The following MTMR7 variants were observed in gnomAD, a reference collection of about 807,000 sequenced individuals.
The protein encoded by MTMR7 is myotubularin related protein 7.
Under a neutral mutation model 81.2 loss-of-function variants are expected in MTMR7, and 76 were observed. That is an observed-to-expected ratio of 0.94 (90% CI 0.78 to 1.13). The LOEUF (loss-of-function observed/expected upper bound fraction) is 1.13, where lower values mean the gene tolerates loss of function less well. Among genes scored for constraint, MTMR7 ranks in the 50% most tolerant of loss-of-function variants. MTMR7 has a pLI of 0.00. For synonymous variants in MTMR7, 372 were observed against 289.8 expected, an observed-to-expected ratio of 1.28 and a Z score of -2.88; for missense variants, 1,044 against 820.0, an observed-to-expected ratio of 1.27 and a Z score of -3.34.
intron 12 of MTMR7, among the ~76,000 whole-genome samples, chr8:17,303,411 T>C (rs1373152544): frequency 6.6e-6 from 1 of 152,146 alleles, no homozygotes; most frequent in African/African-American, 2.4e-5. Context: ...ATCAAGTCTG[T>C]GTCGGGAGTG....
intron 5 of MTMR7, among the ~76,000 whole-genome samples, chr8:17,344,602 C>T (rs1313706093): frequency 6.6e-6 from 1 of 152,178 alleles, no homozygotes; most frequent in Non-Finnish European, 1.5e-5. Flanking sequence ...CAGAGCGAGA[C>T]TCCATCTCAA....
chr8:17,300,985 T>C (rs1487677828), intron 13 of MTMR7, among the ~76,000 whole-genome samples: 1 of 152,228 alleles, frequency 6.6e-6, no homozygotes, highest in East Asian at 1.9e-4. Flanking sequence ...AGTATTCCAT[T>C]ACATGGATAT....
At chr8:17,385,541 G>A (rs117206935) in intron 1 of MTMR7, among the ~76,000 whole-genome samples, 1 of 152,260 alleles carries the variant, frequency 6.6e-6, no homozygotes, top group East Asian at 1.9e-4. Context: ...CTTCCGCCAC[G>A]ATTGTGAGGC....
At chr8:17,341,286 G>A (rs1819399672) in intron 6 of MTMR7, 77 bp downstream of exon 6, 2 of 1,569,426 alleles carry the variant, frequency 1.3e-6, no homozygotes, top group African/African-American at 1.3e-5. Flanking sequence ...CACAAGAGAT[G>A]GCAGTCGGCT....
rs976646693 is a variant in MTMR7 at position 17,364,858 on chromosome 8, A to G, written c.311-3584T>C. On this transcript the variant is annotated intron_variant, in intron 3 of 13. Transcript: ENST00000180173. Reference sequence around the variant, plus strand: ...TGATTCCACAACGTGGCTACTGTGAATAGTGCTGCAACGAAAATGTGAGAG... The same window carrying G: ...TGATTCCACAACGTGGCTACTGTGAGTAGTGCTGCAACGAAAATGTGAGAG... Among the ~76,000 whole-genome samples, 5 of 152,232 alleles carry G rather than the reference A, an allele frequency of 3.3e-5. No individual in the cohort carries two copies. In the East Asian group the frequency reaches 9.6e-4, roughly 29 times the overall value.
intron 7 of MTMR7, among the ~76,000 whole-genome samples, chr8:17,318,849 G>A (rs1381205966): frequency 1.3e-5 from 2 of 152,180 alleles, no homozygotes; most frequent in African/African-American, 4.8e-5. Flanking sequence ...TCCAGCCCCT[G>A]CTGCAGGCCT....
chr8:17,335,261 G>A (rs749324814), intron 6 of MTMR7, among the ~76,000 whole-genome samples: 9 of 152,218 alleles, frequency 5.9e-5, no homozygotes, highest in Middle Eastern at 6.8e-3. Flanking sequence ...GGCCACATCC[G>A]TATCCTTCAA....
chr8:17,324,240 ACT>A (rs149287327), intron 7 of MTMR7, among the ~76,000 whole-genome samples: 362 of 152,288 alleles, frequency 2.4e-3, no homozygotes, highest in Non-Finnish European at 3.7e-3. Flanking sequence ...CATATAGAAC[ACT>A]CTCAGTAACT....
chr8:17,370,627 C>T (rs776819876), intron 3 of MTMR7, among the ~76,000 whole-genome samples: 21 of 144,576 alleles, frequency 1.5e-4, no homozygotes, highest in Non-Finnish European at 4.5e-5. Context: ...ACCTTAAAAG[C>T]ATCAAGAGGG....
intron 5 of MTMR7, among the ~76,000 whole-genome samples, chr8:17,342,473 T>C (rs965836963): frequency 1.3e-5 from 2 of 152,132 alleles, no homozygotes; most frequent in African/African-American, 4.8e-5. Flanking sequence ...GTGCTTGTAT[T>C]GCAGGGTTCC....
intron 1 of MTMR7, among the ~76,000 whole-genome samples, chr8:17,403,962 T>A (rs1399438985): frequency 6.6e-6 from 1 of 152,148 alleles, no homozygotes; most frequent in Admixed American, 6.6e-5. Flanking sequence ...AGTTCCAATC[T>A]TTTTTTGGTG....
intron 1 of MTMR7, among the ~76,000 whole-genome samples, chr8:17,396,269 G>C (rs896409554): frequency 3.9e-5 from 6 of 152,070 alleles, no homozygotes; most frequent in Non-Finnish European, 8.8e-5. Context: ...CCAAAAATCA[G>C]GTGAGCTATT....
At chr8:17,385,679 C>A (rs1241178566) in intron 1 of MTMR7, among the ~76,000 whole-genome samples, 1 of 152,138 alleles carries the variant, frequency 6.6e-6, no homozygotes, top group Non-Finnish European at 1.5e-5. Context: ...ATGGTGAGTT[C>A]ATTCTCAGGA....
At chr8:17,325,564 G>C (rs764012013) in intron 7 of MTMR7, among the ~76,000 whole-genome samples, 1 of 152,138 alleles carries the variant, frequency 6.6e-6, no homozygotes, top group Non-Finnish European at 1.5e-5. Context: ...CTGACCGTAC[G>C]ATCGCCCACA....
intron 1 of MTMR7, among the ~76,000 whole-genome samples, chr8:17,413,035 C>T (rs1372380685): frequency 6.6e-6 from 1 of 152,220 alleles, no homozygotes; most frequent in African/African-American, 2.4e-5. Context: ...TGCGCTCCCC[C>T]AAAACCAAGA....
At position 17,396,315 on chromosome 8, in the gene MTMR7, G is replaced by C. The variant is rs541059457; in HGVS notation, c.24+16954C>G. ...CTTTTAACTTTGTATTGCTGAAAGA[G>C]GCACTGACAAGGGTAACAAAGACAG... On this transcript the variant is annotated intron_variant, in intron 1 of 13. Coordinates refer to ENST00000180173, the MANE Select transcript of MTMR7 (RefSeq NM_004686.5). 3.9e-5 allele frequency among the ~76,000 whole-genome samples: 6 copies of C among 152,274 alleles called. No homozygotes were observed. The South Asian group carries it at 1.2e-3, about 32-fold the overall frequency.
chr8:17,340,912 T>C (rs911275222), intron 6 of MTMR7, among the ~76,000 whole-genome samples: 1 of 152,232 alleles, frequency 6.6e-6, no homozygotes, highest in African/African-American at 2.4e-5. Flanking sequence ...TTATATTTTA[T>C]AGTTCTTTCC....
intron 1 of MTMR7, among the ~76,000 whole-genome samples, chr8:17,393,630 T>C (rs73211116): frequency 0.028 from 4,295 of 152,188 alleles, 90 homozygotes; most frequent in Non-Finnish European, 0.042. Flanking sequence ...TTTTCACTTG[T>C]AAGTGGAAGC....
At chr8:17,341,536 A>G (rs1563346853) in intron 5 of MTMR7, 39 bp from the exon 6 acceptor site, 1 of 1,607,906 alleles carries the variant, frequency 6.2e-7, no homozygotes, top group African/African-American at 1.3e-5. Flanking sequence ...ACCATCAGGT[A>G]ACTGTACCCA....
Sources: allele counts gnomAD v4.1 joint callset (sites outside exome capture counted in the v4.1 genomes callset), GRCh38; gene constraint gnomAD v4.1.1; transcripts MANE v1.5; gene names NCBI Gene and HGNC (gene_info 2026-07-23, HGNC 2026-07-21).